MDGA2: variants seen among roughly 807,000 people sequenced by gnomAD.
The protein encoded by MDGA2 is MAM domain-containing glycosylphosphatidylinositol anchor protein 2.
In MDGA2, 40 loss-of-function variants were observed where a neutral mutation model predicts 117.8. That is an observed-to-expected ratio of 0.34 (90% CI 0.26 to 0.44). MDGA2 has a LOEUF of 0.44. MDGA2 is among the 20% of genes least tolerant of loss of function. The pLI is 1.00. For missense variants in MDGA2, 1,123 were observed against 1,250.6 expected, an observed-to-expected ratio of 0.90 and a Z score of 1.54; for synonymous variants, 452 against 439.0, an observed-to-expected ratio of 1.03 and a Z score of -0.37.
At chr14:46,964,756 A>G (rs1458901308) in intron 8 of MDGA2, among the ~76,000 whole-genome samples, 1 of 152,146 alleles carries the variant, frequency 6.6e-6, no homozygotes, top group Non-Finnish European at 1.5e-5. Flanking sequence ...TTAAGTGAAT[A>G]CAGTCTTTGC....
chr14:47,489,958 T>C (rs1297438189), intron 1 of MDGA2, among the ~76,000 whole-genome samples: 3 of 152,100 alleles, frequency 2.0e-5, no homozygotes, highest in Admixed American at 2.0e-4. Context: ...CATACTCATA[T>C]ATACTTTTGT....
intron 2 of MDGA2, among the ~76,000 whole-genome samples, chr14:47,242,510 G>A (rs1256649838): frequency 1.3e-5 from 2 of 151,866 alleles, no homozygotes; most frequent in South Asian, 2.1e-4. Flanking sequence ...CCGGGTGGGC[G>A]TGGGCTTGGT....
chr14:47,444,762 C>G (rs1893086610), intron 1 of MDGA2, among the ~76,000 whole-genome samples: 1 of 152,076 alleles, frequency 6.6e-6, no homozygotes, highest in Admixed American at 6.6e-5. Context: ...GTAATGGTCA[C>G]TAAGCCTCAT....
intron 3 of MDGA2, among the ~76,000 whole-genome samples, chr14:47,183,784 C>T (rs1884802457): frequency 6.6e-6 from 1 of 152,022 alleles, no homozygotes; most frequent in Non-Finnish European, 1.5e-5. Flanking sequence ...ATGACCTCCA[C>T]GAAATAGTTC....
chr14:47,318,440 C>T (rs1181895932), intron 1 of MDGA2, among the ~76,000 whole-genome samples: 1 of 152,000 alleles, frequency 6.6e-6, no homozygotes, highest in African/African-American at 2.4e-5. Context: ...CTCCAGTGTC[C>T]CCTCCTCATG....
chr14:47,068,434 T>A (rs1186474180), intron 6 of MDGA2, among the ~76,000 whole-genome samples: 4 of 149,090 alleles, frequency 2.7e-5, no homozygotes, highest in African/African-American at 1.0e-4. Flanking sequence ...ATATATATAT[T>A]GCTGATAAAT....
At chr14:47,303,559 A>G (rs545844946) in intron 1 of MDGA2, among the ~76,000 whole-genome samples, 1 of 152,298 alleles carries the variant, frequency 6.6e-6, no homozygotes, top group South Asian at 2.1e-4. Flanking sequence ...TTCAATTTAG[A>G]TAAGTAATAC....
intron 10 of MDGA2, among the ~76,000 whole-genome samples, chr14:46,908,793 G>T (rs1284674199): frequency 1.3e-5 from 2 of 152,134 alleles, no homozygotes; most frequent in Non-Finnish European, 2.9e-5. Context: ...GAACATGAGA[G>T]AAATTATTGC....
chr14:47,555,894 T>A (rs1038471271), intron 1 of MDGA2, among the ~76,000 whole-genome samples: 3 of 152,052 alleles, frequency 2.0e-5, no homozygotes, highest in African/African-American at 7.2e-5. Flanking sequence ...AGCTCCTCCA[T>A]CCCCCTAGCC....
At chr14:47,595,556 A>C (rs1348786267) in intron 1 of MDGA2, among the ~76,000 whole-genome samples, 7 of 118,224 alleles carry the variant, frequency 5.9e-5, no homozygotes, top group South Asian at 2.6e-4. Context: ...ACAAAAAAAA[A>C]CAAAAAAAAA....
At chr14:47,356,157 C>T (rs982953904) in intron 1 of MDGA2, among the ~76,000 whole-genome samples, 1 of 152,116 alleles carries the variant, frequency 6.6e-6, no homozygotes, top group African/African-American at 2.4e-5. Flanking sequence ...AGCCCAGGAG[C>T]CCCTAGAGGA....
At chr14:47,553,606 T>G (rs780607840) in intron 1 of MDGA2, among the ~76,000 whole-genome samples, 1 of 152,190 alleles carries the variant, frequency 6.6e-6, no homozygotes, top group Non-Finnish European at 1.5e-5. Context: ...TTTTGAAATA[T>G]TTATTCCTGA....
chr14:47,382,172 T>C (rs9652334), intron 1 of MDGA2, among the ~76,000 whole-genome samples: 27,770 of 152,058 alleles, frequency 0.18, 2,705 homozygotes, highest in Admixed American at 0.26. Context: ...TGAAACTGGA[T>C]CCCTTCCTTA....
chr14:47,095,070 A>T (rs1879884370), intron 6 of MDGA2, among the ~76,000 whole-genome samples: 1 of 152,024 alleles, frequency 6.6e-6, no homozygotes, highest in African/African-American at 2.4e-5. Flanking sequence ...TTAGTCACTG[A>T]TCTTTGCAGT....
At chr14:47,406,146 C>T (rs1301445997) in intron 1 of MDGA2, among the ~76,000 whole-genome samples, 1 of 152,062 alleles carries the variant, frequency 6.6e-6, no homozygotes, top group Non-Finnish European at 1.5e-5. Context: ...GTTATACTCT[C>T]ACACTGCTGG....
At chr14:47,487,176 T>C (rs901123224) in intron 1 of MDGA2, among the ~76,000 whole-genome samples, 5 of 152,192 alleles carry the variant, frequency 3.3e-5, no homozygotes, top group Non-Finnish European at 5.9e-5. Context: ...ACAAGGGACA[T>C]AGGTATTTTA....
At chr14:47,313,647 A>T (rs1206829393) in intron 1 of MDGA2, among the ~76,000 whole-genome samples, 1 of 152,174 alleles carries the variant, frequency 6.6e-6, no homozygotes, top group Non-Finnish European at 1.5e-5. Flanking sequence ...ATGTTGTTCT[A>T]TCTAAATTAT....
chr14:47,602,140 A>T (rs1314850809), intron 1 of MDGA2, among the ~76,000 whole-genome samples: 2 of 152,156 alleles, frequency 1.3e-5, no homozygotes, highest in Non-Finnish European at 2.9e-5. Context: ...ATTTTTTTAA[A>T]GTAAGTGACA....
chr14:47,179,586 T>G (rs953268361), intron 3 of MDGA2, among the ~76,000 whole-genome samples: 1 of 152,078 alleles, frequency 6.6e-6, no homozygotes, highest in Non-Finnish European at 1.5e-5. Flanking sequence ...GTAAAATCAT[T>G]TTTTTATTAT....
Sources: gnomAD v4.1 joint callset for allele counts (sites outside exome capture counted in the v4.1 genomes callset) on GRCh38, gnomAD v4.1.1 for gene constraint, MANE v1.5 for transcripts, NCBI Gene and HGNC (gene_info 2026-07-23, HGNC 2026-07-21) for gene names.